MCUR1: variants seen among roughly 807,000 people sequenced by gnomAD.
MCUR1 encodes MCU regulator 1.
In MCUR1, 37 loss-of-function variants were observed where a neutral mutation model predicts 42.0. The ratio of observed to expected loss-of-function variants is 0.88; its 90% CI spans 0.68 to 1.16. The LOEUF (loss-of-function observed/expected upper bound fraction) is 1.16. Ranked by LOEUF, MCUR1 falls within the 50% of genes most tolerant of loss-of-function variation. The probability of loss-of-function intolerance (pLI) is 0.00; values close to 1 mark genes in which losing one functional copy is unlikely to be tolerated. For missense variants in MCUR1, 469 were observed against 468.4 expected (o/e 1.00, Z -0.01); for synonymous variants, 229 against 196.2 (o/e 1.17, Z -1.40).
chr6:13,793,681 C>A (rs1303404770), intron 7 of MCUR1, among the ~76,000 whole-genome samples: 1 of 152,094 alleles, frequency 6.6e-6, no homozygotes, highest in Non-Finnish European at 1.5e-5. Context: ...ATGGTTGCCC[C>A]AAAATGTGAA....
In MCUR1 at chr6:13,801,352, T is replaced by C; in HGVS notation, c.677A>G (p.Asn226Ser). The change falls in exon 4 of 9, where the codon AAT becomes AGT. Residue 226 changes from asparagine to serine, a missense_variant. Physicochemically the swap from Asn to Ser is conservative, Grantham distance 46 (BLOSUM62 1). Coordinates refer to ENST00000379170, the MANE Select transcript of MCUR1 (RefSeq NM_001031713.4). The stretch of plus-strand genomic sequence containing the variant: ...CAAAATAATCATATCCTTTTTCACA[T>C]TCGCAATCTGAGACATTACTTGCTG... Reference protein sequence around the residue: ...TFQQVMSQIANVKKDMIILEK... With the variant: ...TFQQVMSQIASVKKDMIILEK... 1.2e-6 allele frequency: 2 copies of C among 1,612,848 alleles called. No individual in the cohort carries two copies. Among genetic ancestry groups the C allele is most frequent in the Non-Finnish European group, 1.7e-6 (2 of 1,179,844 alleles).
At position 13,814,134 on chromosome 6, in the gene MCUR1, T is replaced by C. The variant is rs1760307159; in HGVS notation, c.296A>G (p.Tyr99Cys). ...LGDWERSRLG[Y>C]AAPPAGRSSA... ...GCTGCGCCCGGCCGGGGGTGCGGCA[T>C]ACCCGAGGCGCGAGCGCTCCCAGTC... is the stretch of plus-strand genomic sequence containing the variant. Residue 99 changes from tyrosine (Y) to cysteine (C), a missense_variant, in exon 1 of 9, where the codon TAT becomes TGT. Transcript: ENST00000379170. 1 of 1,285,448 alleles carries C rather than the reference T, an allele frequency of 7.8e-7. No homozygotes were observed. The highest frequency in any genetic ancestry group is 9.8e-7 in the Non-Finnish European group (1 of 1,021,826). 79.6% of individuals were successfully genotyped at this position (1,285,448 alleles called of 1,614,324 possible).
In MCUR1 at chr6:13,787,833, T is replaced by C. The variant is rs1759636465; in HGVS notation, c.*2976A>G. On this transcript the variant is annotated 3_prime_UTR_variant, in exon 9 of 9. Transcript: ENST00000379170. Reference sequence around the variant, plus strand: ...TTTCCTAAAGTAATCTGAATCCTTATAAGCCAGGGTAGCTCAGGAGGTTCT... The same window carrying C: ...TTTCCTAAAGTAATCTGAATCCTTACAAGCCAGGGTAGCTCAGGAGGTTCT... 6.6e-6 allele frequency: 1 copy of C among 152,188 alleles called. No individual in the cohort carries two copies. The highest frequency in any genetic ancestry group is 1.5e-5 in the Non-Finnish European group (1 of 68,034). 9.4% of individuals were successfully genotyped at this position (152,188 alleles called of 1,614,324 possible).
chr6:13,806,681 C>G (rs1307214362), intron 2 of MCUR1, among the ~76,000 whole-genome samples: 1 of 152,116 alleles, frequency 6.6e-6, no homozygotes, highest in Non-Finnish European at 1.5e-5. Context: ...GTCCCAGCTA[C>G]TCGGGAGGCT....
chr6:13,808,058 G>A (rs183808378), intron 1 of MCUR1, among the ~76,000 whole-genome samples: 1 of 152,226 alleles, frequency 6.6e-6, no homozygotes, highest in Admixed American at 6.5e-5. Flanking sequence ...TAGGCTATCA[G>A]GAGGGCTCTG....
intron 4 of MCUR1, 69 bp from the exon 5 acceptor site, chr6:13,800,451 A>C: frequency 1.2e-6 from 1 of 825,868 alleles, no homozygotes; most frequent in South Asian, 1.7e-5. Context: ...AAATATTACA[A>C]TACATATTTA....
rs986158189 is a variant in MCUR1, at chr6:13,787,130, G to C, written c.*3679C>G. 10 of 152,172 alleles carry C rather than the reference G, an allele frequency of 6.6e-5. No individual in the cohort carries two copies. Among genetic ancestry groups the C allele is most frequent in the African/African-American group, 1.9e-4 (8 of 41,442 alleles). The allele number at this position is 152,172 out of a possible 1,614,324, so 9.4% of individuals were successfully genotyped here. ...ATAAATGCTTGCCAATACTGACATG[G>C]TTAATTAACAGACAGGCTTGAAAGG... On this transcript the variant is annotated 3_prime_UTR_variant, in exon 9 of 9. Coordinates refer to ENST00000379170, the MANE Select transcript of MCUR1 (RefSeq NM_001031713.4).
intron 1 of MCUR1, among the ~76,000 whole-genome samples, chr6:13,813,472 G>C (rs1007783235): frequency 1.3e-5 from 2 of 152,230 alleles, no homozygotes; most frequent in East Asian, 3.9e-4. Flanking sequence ...TACTGCGTCT[G>C]CTCTGCTAGA....
chr6:13,791,836 T>G, intron 8 of MCUR1, 42 bp downstream of exon 8: 5 of 1,369,818 alleles, frequency 3.7e-6, no homozygotes, highest in Non-Finnish European at 5.1e-6. Context: ...TATAAATTTA[T>G]TTTCTTTTCA....
intron 2 of MCUR1, chr6:13,803,827 A>G (rs1228990227): frequency 2.0e-6 from 2 of 985,242 alleles, no homozygotes; most frequent in Non-Finnish European, 2.4e-6. Context: ...CCAAATTTTA[A>G]AGTTTTATTA....
At chr6:13,810,773 T>C (rs1295853736) in intron 1 of MCUR1, among the ~76,000 whole-genome samples, 1 of 152,154 alleles carries the variant, frequency 6.6e-6, no homozygotes, top group Non-Finnish European at 1.5e-5. Flanking sequence ...ATAATCCATA[T>C]CTGTATCAAG....
chr6:13,795,755 G>A (rs1304117089), intron 6 of MCUR1, among the ~76,000 whole-genome samples: 2 of 152,138 alleles, frequency 1.3e-5, no homozygotes, highest in East Asian at 3.9e-4. Flanking sequence ...GGAGGTGGGT[G>A]AGGGGCAAGA....
rs375377872 is a variant in MCUR1, at chr6:13,791,887, A to G, written c.1015T>C (p.Tyr339His). Residue 339 changes from tyrosine (Y) to histidine (H), a missense_variant, in exon 8 of 9, where the codon TAT becomes CAT. Coordinates refer to ENST00000379170, the MANE Select transcript of MCUR1 (RefSeq NM_001031713.4). The stretch of plus-strand genomic sequence containing the variant: ...ATACAAAATAGCTTACCTGCTAAAT[A>G]TTTAATATTATCAAGCTTGTGTGAC... Reference protein sequence around the residue: ...LESHKLDNIKYLAGSIFTCLT... With the variant: ...LESHKLDNIKHLAGSIFTCLT... 3.1e-6 allele frequency: 5 copies of G among 1,610,254 alleles called. No homozygotes were observed. Among genetic ancestry groups the G allele is most frequent in the Non-Finnish European group, 4.2e-6 (5 of 1,177,156 alleles).
In MCUR1 at chr6:13,787,865, T is replaced by C. The variant is rs1424208299; in HGVS notation, c.*2944A>G. 1 of 152,166 alleles carries C rather than the reference T, an allele frequency of 6.6e-6. No homozygotes were observed. The highest frequency in any genetic ancestry group is 1.5e-5 in the Non-Finnish European group (1 of 68,050). 9.4% of individuals were successfully genotyped at this position (152,166 alleles called of 1,614,324 possible). ...GGGTAGCTCAGGAGGTTCTATTTACTTATTTATTTATTTTGAGACAGAGTC... is the reference window on the plus strand; with the variant it reads ...GGGTAGCTCAGGAGGTTCTATTTACCTATTTATTTATTTTGAGACAGAGTC... On this transcript the variant is annotated 3_prime_UTR_variant, in exon 9 of 9. Transcript: ENST00000379170.
At chr6:13,803,083 C>A (rs570878911) in intron 2 of MCUR1, among the ~76,000 whole-genome samples, 2 of 151,546 alleles carry the variant, frequency 1.3e-5, no homozygotes, top group African/African-American at 4.8e-5. Context: ...TTTTTTGAGA[C>A]AGAGTTTCGC....
intron 6 of MCUR1, among the ~76,000 whole-genome samples, chr6:13,797,750 GC>G (rs1759890042): frequency 6.6e-6 from 1 of 151,940 alleles, no homozygotes; most frequent in Admixed American, 6.6e-5. Flanking sequence ...CCGGCCAGGC[GC>G]AGTGGCTCAC....
At chr6:13,795,509 T>G (rs1759836538) in intron 6 of MCUR1, among the ~76,000 whole-genome samples, 1 of 152,184 alleles carries the variant, frequency 6.6e-6, no homozygotes, top group South Asian at 2.1e-4. Flanking sequence ...CATTATAACT[T>G]TACCGAAAGA....
rs768433201 is a variant in MCUR1 at position 13,787,433 on chromosome 6, A to G, written c.*3376T>C. 1.3e-5 allele frequency: 2 copies of G among 152,208 alleles called. No individual in the cohort carries two copies. Among genetic ancestry groups the G allele is most frequent in the Admixed American group, 1.3e-4 (2 of 15,282 alleles). The allele number at this position is 152,208 out of a possible 1,614,324, so 9.4% of individuals were successfully genotyped here. A position where few individuals can be genotyped will look rare whatever the true frequency, so the allele number is the denominator to read the frequency against. Reference sequence around the variant, plus strand: ...AGAAAACTGGATGACAGTAAAACCAATACAGAAACAAAAAGTCATGTTTCC... The same window carrying G: ...AGAAAACTGGATGACAGTAAAACCAGTACAGAAACAAAAAGTCATGTTTCC... On this transcript the variant is annotated 3_prime_UTR_variant, in exon 9 of 9. Transcript: ENST00000379170.
intron 2 of MCUR1, chr6:13,803,889 C>T: frequency 9.2e-6 from 9 of 982,594 alleles, no homozygotes; most frequent in Non-Finnish European, 1.1e-5. Context: ...TCCTAACACT[C>T]TGGGAGACCA....
Sources: gnomAD v4.1 joint callset for allele counts (sites outside exome capture counted in the v4.1 genomes callset) on GRCh38, gnomAD v4.1.1 for gene constraint, MANE v1.5 for transcripts, NCBI Gene and HGNC (gene_info 2026-07-23, HGNC 2026-07-21) for gene names.